SLFN11: variants seen among roughly 807,000 people sequenced by gnomAD.
SLFN11 encodes the protein schlafen family member 11.
Under a neutral mutation model 53.4 loss-of-function variants are expected in SLFN11, and 43 were observed. That is an observed-to-expected ratio of 0.80 (90% CI 0.63 to 1.04). The LOEUF is 1.04. Ranked by LOEUF, SLFN11 falls within the 50% of genes least tolerant of loss-of-function variation. SLFN11 has a pLI of 0.00. For missense variants in SLFN11, 990 were observed against 1,079.1 expected, an observed-to-expected ratio of 0.92 and a Z score of 1.16; for synonymous variants, 389 against 394.7, an observed-to-expected ratio of 0.99 and a Z score of 0.17.
intron 5 of SLFN11, among the ~76,000 whole-genome samples, chr17:35,358,243 T>C (rs1028370656): frequency 1.3e-5 from 2 of 151,362 alleles, no homozygotes; most frequent in Middle Eastern, 3.2e-3. Context: ...ATATTAAAGA[T>C]ACTGAATTCT....
Position 35,354,033 on chromosome 17 carries a change from G to A in SLFN11, c.1225C>T (p.Pro409Ser), listed in dbSNP as rs1157422213. The A allele has an allele frequency of 6.2e-7, 1 of 1,612,104 alleles. No homozygotes were observed. Among genetic ancestry groups the A allele is most frequent in the African/African-American group, 1.3e-5 (1 of 74,838 alleles). The change falls in exon 6 of 7, where the codon CCA (proline) becomes TCA (serine). Residue 409 changes from proline (P) to serine (S), a missense_variant. By Grantham distance (74) the Pro-to-Ser change is moderately conservative. Transcript: ENST00000685675. ...SVPPGYLRYT[P>S]ESLWRDLISE... ...ATCAGGTCCCTCCAGAGTGACTCTG[G>A]AGTATATCGCAAATATCCTGGTGGG...
chr17:35,352,732 A>T lies in SLFN11; in HGVS notation c.2330T>A (p.Leu777Ter). The T allele has an allele frequency of 6.2e-7, 1 of 1,614,194 alleles. No individual in the cohort carries two copies. Among genetic ancestry groups the T allele is most frequent in the Middle Eastern group, 1.6e-4 (1 of 6,062 alleles). Residue 777 changes from leucine (L) to a stop codon, truncating the protein, a stop_gained, in exon 7 of 7, where the codon TTA (leucine) becomes TAA (stop). Coordinates refer to ENST00000685675, the MANE Select transcript of SLFN11 (RefSeq NM_001376007.1). LOFTEE classifies it low-confidence loss of function (END_TRUNC). The part of the protein sequence containing the change: ...AEWSQGVQGT[L>*]RIKKYLTVEQ... ...CACAGTCAAGTATTTCTTAATTCGT[A>T]AGGTTCCCTGAACACCCTGGGACCA...
At chr17:35,361,046 GA>G (rs1315935300) in intron 4 of SLFN11, among the ~76,000 whole-genome samples, 1 of 152,078 alleles carries the variant, frequency 6.6e-6, no homozygotes, top group Admixed American at 6.6e-5. Context: ...ATGTGCTTTG[GA>G]GATTGGAGTC....
At chr17:35,361,214 T>C (rs1908163515) in intron 4 of SLFN11, among the ~76,000 whole-genome samples, 1 of 152,018 alleles carries the variant, frequency 6.6e-6, no homozygotes, top group African/African-American at 2.4e-5. Context: ...TATAGCATGA[T>C]GGGGTAAATA....
intron 1 of SLFN11, among the ~76,000 whole-genome samples, chr17:35,372,171 C>G (rs2142000057): frequency 6.6e-6 from 1 of 152,220 alleles, no homozygotes; most frequent in East Asian, 1.9e-4. Context: ...TCACTTGCAA[C>G]AACACGAATG....
At chr17:35,360,541 A>C (rs779169456) in intron 4 of SLFN11, among the ~76,000 whole-genome samples, 170 bp from the exon 5 acceptor site, 3 of 151,934 alleles carry the variant, frequency 2.0e-5, no homozygotes, top group Non-Finnish European at 4.4e-5. Flanking sequence ...ATTGCATATC[A>C]AGGTTGCCAA....
rs370330318 is a variant in SLFN11, at chr17:35,363,522, T to A, written c.286A>T (p.Thr96Ser). Residue 96 changes from threonine (T) to serine (S), a missense_variant, in exon 4 of 7, where the codon ACC (threonine) becomes TCC (serine). By Grantham distance (58) the Thr-to-Ser change is moderately conservative (BLOSUM62 1). Transcript: ENST00000685675. ...TAAAAACACCTTCCTTGTTGCTTGGTCTCAAAGAAAGCCTGCAGATCTGAA... is the reference window on the plus strand; with the variant it reads ...TAAAAACACCTTCCTTGTTGCTTGGACTCAAAGAAAGCCTGCAGATCTGAA... ...QSSDLQAFFE[T>S]KQQGRCFYIF... 65 of 1,613,890 alleles carry A rather than the reference T, an allele frequency of 4.0e-5. No homozygotes were observed. The African/African-American group carries it at 7.6e-4, about 19-fold the overall frequency.
intron 3 of SLFN11, among the ~76,000 whole-genome samples, chr17:35,364,190 T>C (rs911676953): frequency 6.6e-6 from 1 of 152,122 alleles, no homozygotes; most frequent in Non-Finnish European, 1.5e-5. Flanking sequence ...ATGAAGGGCA[T>C]GTGTACAATG....
At chr17:35,357,846 A>G (rs1306285212) in intron 5 of SLFN11, among the ~76,000 whole-genome samples, 1 of 145,448 alleles carries the variant, frequency 6.9e-6, no homozygotes, top group Non-Finnish European at 1.5e-5. Context: ...AATTAAAAAT[A>G]TATAATTATT....
At position 35,352,503 on chromosome 17, in the gene SLFN11, A is replaced by T. The variant is rs775094329; in HGVS notation, c.2559T>A (p.Ser853Arg). The T allele has an allele frequency of 1.9e-6, 3 of 1,614,074 alleles. No homozygotes were observed. The African/African-American group carries it at 4.0e-5, about 22-fold the overall frequency. Residue 853 changes from serine (S) to arginine (R), a missense_variant, in exon 7 of 7, where the codon AGT becomes AGA. This residue lies in a region of SLFN11 where 313 missense variants were observed against 320.9 expected (regional missense o/e 0.98). Coordinates refer to ENST00000685675, the MANE Select transcript of SLFN11 (RefSeq NM_001376007.1). ...DMLGDHIVLD[S>R]VRRFSGLERS... ...TTTCCAGGCCTGAGAATCGCCGAACACTGTCCAACACAATGTGATCACCCA... is the reference window on the plus strand; with the variant it reads ...TTTCCAGGCCTGAGAATCGCCGAACTCTGTCCAACACAATGTGATCACCCA...
At chr17:35,370,555 T>A (rs1191307305) in intron 1 of SLFN11, among the ~76,000 whole-genome samples, 1 of 152,116 alleles carries the variant, frequency 6.6e-6, no homozygotes, top group Non-Finnish European at 1.5e-5. Flanking sequence ...GCAGGTGATA[T>A]GATCTTACAT....
rs1313985031 is a variant in SLFN11 at position 35,350,552 on chromosome 17, A to G, written c.*1804T>C. 1 of 152,254 alleles carries G rather than the reference A, an allele frequency of 6.6e-6. No individual in the cohort carries two copies. The highest frequency in any genetic ancestry group is 1.5e-5 in the Non-Finnish European group (1 of 68,046). 9.4% of individuals were successfully genotyped at this position (152,254 alleles called of 1,614,324 possible). A position where few individuals can be genotyped will look rare whatever the true frequency, so the allele number is the denominator to read the frequency against. On this transcript the variant is annotated 3_prime_UTR_variant, in exon 7 of 7. Transcript: ENST00000685675. ...CTTTTAAAGAATTACTCTCAAAGAC[A>G]TTGCAACAACTCCAAAGTCCAGGGA... is the stretch of plus-strand genomic sequence containing the variant.
chr17:35,371,886 T>C (rs1414795328), intron 1 of SLFN11, among the ~76,000 whole-genome samples: 1 of 152,114 alleles, frequency 6.6e-6, no homozygotes, highest in African/African-American at 2.4e-5. Flanking sequence ...TGTAAATTAG[T>C]ACAACTATTA....
chr17:35,369,948 A>G (rs1204694965), intron 1 of SLFN11, among the ~76,000 whole-genome samples: 1 of 152,142 alleles, frequency 6.6e-6, no homozygotes, highest in Admixed American at 6.5e-5. Context: ...AAGAAGAACT[A>G]ATATCAATCT....
At chr17:35,368,094 T>C (rs1909193881) in intron 1 of SLFN11, among the ~76,000 whole-genome samples, 1 of 152,110 alleles carries the variant, frequency 6.6e-6, no homozygotes, top group South Asian at 2.1e-4. Context: ...AATTGTCAAG[T>C]AGTGCCCAAT....
Position 35,363,466 on chromosome 17 carries a change from A to G in SLFN11, c.342T>C (p.Pro114=). ...GCTTGACAGAGCGATCTTCAGGGAAAGGGCCACTGCTCCAAGATTTAACAA... is the reference window on the plus strand; with the variant it reads ...GCTTGACAGAGCGATCTTCAGGGAAGGGGCCACTGCTCCAAGATTTAACAA... The part of the protein sequence containing the change: ...YIFVKSWSSG[P]FPEDRSVKPR... Residue 114 remains proline, a synonymous_variant, in exon 4 of 7, where the codon CCT becomes CCC. Coordinates refer to ENST00000685675, the MANE Select transcript of SLFN11 (RefSeq NM_001376007.1). 1 of 1,613,982 alleles carries G rather than the reference A, an allele frequency of 6.2e-7. No individual in the cohort carries two copies. The highest frequency in any genetic ancestry group is 8.5e-7 in the Non-Finnish European group (1 of 1,179,970).
chr17:35,363,711 T>C lies in SLFN11; in HGVS notation c.97A>G (p.Lys33Glu). Reference protein sequence around the residue: ...EVTLGEENRKKLQKIQRDQEK... With the variant: ...EVTLGEENRKELQKIQRDQEK... ...TGGTCTCTCTGAATTTTCTGCAGCT[T>C]TTTTCTGTTTTCTTCTCCAAGAGTC... The change falls in exon 4 of 7, where the codon AAG (lysine) becomes GAG (glutamate). Residue 33 changes from lysine to glutamate, a missense_variant. Lys to Glu is a moderately conservative substitution (Grantham distance 56). Around this residue, in one of 3 missense-constraint regions of SLFN11, gnomAD observed 521 missense variants for 516.2 expected, o/e 1.01. Transcript: ENST00000685675. 1 of 1,613,940 alleles carries C rather than the reference T, an allele frequency of 6.2e-7. No homozygotes were observed. The highest frequency in any genetic ancestry group is 8.5e-7 in the Non-Finnish European group (1 of 1,179,956).
chr17:35,373,041 G>C (rs923149904), intron 1 of SLFN11, among the ~76,000 whole-genome samples: 6 of 152,096 alleles, frequency 3.9e-5, no homozygotes, highest in African/African-American at 1.4e-4. Flanking sequence ...CGGTCACATA[G>C]ACAGCTGTAG....
intron 4 of SLFN11, among the ~76,000 whole-genome samples, chr17:35,360,658 G>A (rs376305899): frequency 4.6e-5 from 7 of 152,052 alleles, no homozygotes; most frequent in East Asian, 1.9e-4. Flanking sequence ...CACCTGTTAC[G>A]TTACCTAGCT....
Sources: allele counts gnomAD v4.1 joint callset (sites outside exome capture counted in the v4.1 genomes callset), GRCh38; gene constraint gnomAD v4.1.1; regional missense constraint gnomAD v4.1.1; transcripts MANE v1.5; gene names NCBI Gene and HGNC (gene_info 2026-07-23, HGNC 2026-07-21).